The following VWF variants were observed in gnomAD, a reference collection of about 807,000 sequenced individuals.
VWF encodes von Willebrand factor.
In VWF, 176 loss-of-function variants were observed where a neutral mutation model predicts 308.6. The observed-to-expected ratio is 0.57, with a 90% CI of 0.50 to 0.65. The LOEUF (loss-of-function observed/expected upper bound fraction) is 0.65, where lower values mean the gene tolerates loss of function less well. Among genes scored for constraint, VWF ranks in the 30% least tolerant of loss-of-function variants. The pLI is 0.00. For missense variants in VWF, 3,146 were observed against 3,648.2 expected (o/e 0.86, Z 3.55); for synonymous variants, 1,385 against 1,443.4 (o/e 0.96, Z 0.92).
At chr12:6,096,435 C>G (rs940673743) in intron 5 of VWF, among the ~76,000 whole-genome samples, 8 of 152,208 alleles carry the variant, frequency 5.3e-5, no homozygotes, top group African/African-American at 9.6e-5. Flanking sequence ...CCCATGGCAC[C>G]TGGGCATCCC....
intron 47 of VWF, among the ~76,000 whole-genome samples, chr12:5,960,056 T>G (rs898301439): frequency 2.7e-5 from 4 of 147,560 alleles, no homozygotes; most frequent in South Asian, 4.2e-4. Context: ...ATTAATAATA[T>G]AATAATATAT....
chr12:5,979,163 A>C (rs962840248), intron 42 of VWF, among the ~76,000 whole-genome samples: 7 of 152,256 alleles, frequency 4.6e-5, no homozygotes, highest in African/African-American at 1.7e-4. Context: ...ATGGCTATGA[A>C]AACTGGAAAA....
chr12:6,043,153 CA>C (rs1243203548), intron 18 of VWF, among the ~76,000 whole-genome samples: 5 of 152,192 alleles, frequency 3.3e-5, no homozygotes, highest in Non-Finnish European at 7.3e-5. Context: ...AAGACAGTTC[CA>C]AAACCCTCAG....
At chr12:5,968,242 T>C (rs1366389563) in intron 45 of VWF, 75 bp from the exon 46 acceptor site, 16 of 1,578,494 alleles carry the variant, frequency 1.0e-5, no homozygotes, top group East Asian at 6.8e-5. Flanking sequence ...GCTGCTCTCT[T>C]TGGGGCTCCT....
At position 5,949,091 on chromosome 12, in the gene VWF, G is replaced by T. The variant is rs371036946; in HGVS notation, c.8366C>A (p.Thr2789Asn). ...TEPMQVALHC[T>N]NGSVVYHEVL... ...CTCATGGTACACAACAGAGCCATTG[G>T]TGCAGTGCAGGGCCACCTGCATGGG... Residue 2789 changes from threonine to asparagine, a missense_variant, in exon 52 of 52, where the codon ACC becomes AAC. This residue lies in a region of VWF where 989 missense variants were observed against 1,117.4 expected (regional missense o/e 0.89). Coordinates refer to ENST00000261405, the MANE Select transcript of VWF (RefSeq NM_000552.5). The T allele has an allele frequency of 1.6e-5, 26 of 1,614,136 alleles. No individual in the cohort carries two copies. In the East Asian group the frequency reaches 4.2e-4, roughly 26 times the overall value.
At chr12:6,044,493 G>C (rs216293) in intron 17 of VWF, 42 bp from the exon 18 acceptor site, 762 of 1,602,170 alleles carry the variant, frequency 4.8e-4, no homozygotes, top group Non-Finnish European at 6.0e-4. Context: ...GTGAAGGAGA[G>C]AATGGACCTA....
At position 5,992,031 on chromosome 12, in the gene VWF, AAGG is replaced by A; in HGVS notation, c.6599-16_6599-14del. ...GGGCATGACATAGCTGTAGACAGAG[AAGG>A]AGGTCACTTGCAAAGGCCCACACCA... On this transcript the variant is annotated splice_polypyrimidine_tract_variant and intron_variant, in intron 37 of 51. Transcript: ENST00000261405. 1.2e-6 allele frequency: 2 copies of A among 1,613,682 alleles called. No homozygotes were observed. The highest frequency in any genetic ancestry group is 1.3e-5 in the African/African-American group (1 of 75,040).
At chr12:6,012,755 A>G (rs185962026) in intron 32 of VWF, among the ~76,000 whole-genome samples, 8,257 of 149,764 alleles carry the variant, frequency 0.055, 715 homozygotes, top group African/African-American at 0.19. Flanking sequence ...AGGCTGGAGT[A>G]CAGTGGCGCG....
chr12:5,995,884 T>G, intron 35 of VWF, 118 bp downstream of exon 35: 1 of 945,048 alleles, frequency 1.1e-6, no homozygotes, highest in East Asian at 2.6e-5. Flanking sequence ...TCTCCTCCAC[T>G]TAAGCAGAAG....
Position 6,046,668 on chromosome 12 carries a change from G to A in VWF, c.2281+55C>T. ...CCAGCTCTCTCCCGCCATTCCACAC[G>A]TGAGGAATCTGGGCAGGATGGAGTC... On this transcript the variant is annotated intron_variant, in intron 17 of 51. Transcript: ENST00000261405. The surrounding 1 kb of genome is among the most constrained non-coding windows in gnomAD (Gnocchi z 5.0). 5.2e-6 allele frequency: 8 copies of A among 1,535,524 alleles called. No individual in the cohort carries two copies. The highest frequency in any genetic ancestry group is 1.7e-4 in the Middle Eastern group (1 of 5,840).
chr12:6,035,035 G>A (rs1565838258), intron 19 of VWF, among the ~76,000 whole-genome samples: 2 of 152,186 alleles, frequency 1.3e-5, no homozygotes, highest in South Asian at 2.1e-4. Context: ...CCTAGTGGCT[G>A]TCCCTAAAAG....
chr12:6,022,180 C>G (rs1397947024), intron 26 of VWF, 145 bp from the exon 27 acceptor site: 2 of 1,162,952 alleles, frequency 1.7e-6, no homozygotes, highest in Non-Finnish European at 2.5e-6. Context: ...GTCACCCCAT[C>G]ACTCAAGGAG....
intron 3 of VWF, 40 bp from the exon 4 acceptor site, chr12:6,111,008 T>C (rs780205150): frequency 1.3e-6 from 2 of 1,526,910 alleles, no homozygotes; most frequent in African/African-American, 2.7e-5. Flanking sequence ...TTATTACTCC[T>C]CTCAAAAAAT....
chr12:5,976,005 G>C, intron 43 of VWF, 106 bp downstream of exon 43: 3 of 1,464,362 alleles, frequency 2.0e-6, no homozygotes, highest in Non-Finnish European at 2.8e-6. Context: ...GACAGAGCGA[G>C]TCTCCATTTC....
At chr12:5,949,988 T>A in intron 50 of VWF, 105 bp from the exon 51 acceptor site, 1 of 1,016,790 alleles carries the variant, frequency 9.8e-7, no homozygotes, top group Non-Finnish European at 1.5e-6. Flanking sequence ...CCTTTCACAG[T>A]AACCAAATAA....
chr12:6,060,052 T>G lies in VWF; in HGVS notation c.1534-2008A>C. Among the ~76,000 whole-genome samples the G allele has an allele frequency of 6.6e-6, 1 of 151,446 alleles. No individual in the cohort carries two copies. The highest frequency in any genetic ancestry group is 1.5e-5 in the Non-Finnish European group (1 of 67,912). ...CCATGTCCCACTCTAAAACCAGGTC[T>G]TCTCCCATCCCCTTGGCTTGTCTCG... On this transcript the variant is annotated intron_variant, in intron 13 of 51. Transcript: ENST00000261405. This position sits in a 1 kb window ranked among gnomAD's most constrained non-coding sequence, Gnocchi z 5.1.
rs183098417 is a variant in VWF, at chr12:5,977,530, T to C, written c.7288-1270A>G. On this transcript the variant is annotated intron_variant, in intron 42 of 51. Coordinates refer to ENST00000261405, the MANE Select transcript of VWF (RefSeq NM_000552.5). ...TTTCTATGAGAAATGGGAAGAAATA[T>C]ACATGTATAAAATTCAGTTATATTT... Among the ~76,000 whole-genome samples the C allele has an allele frequency of 1.3e-3, 202 of 152,302 alleles. 2 individuals are homozygous for C. Among genetic ancestry groups the C allele is most frequent in the Middle Eastern group, 6.8e-3 (2 of 294 alleles).
intron 10 of VWF, among the ~76,000 whole-genome samples, chr12:6,067,399 C>T (rs926794095): frequency 2.0e-5 from 3 of 152,170 alleles, no homozygotes; most frequent in Non-Finnish European, 2.9e-5. Flanking sequence ...TAACAATACC[C>T]AGGAAAAGAA....
rs941718292 is a variant in VWF at position 6,124,532 on chromosome 12, A to T, written c.-112T>A. On this transcript the variant is annotated 5_prime_UTR_variant, in exon 1 of 52. In the 5' UTR this introduces an upstream ATG that the reference lacks. Transcript: ENST00000261405. ...TGCTCTCAGCTGCTGCAAAGGCTCA[A>T]TCAGGTCTGCTACAGCTCCGGACTG... 6.6e-6 allele frequency: 1 copy of T among 152,506 alleles called. No individual in the cohort carries two copies. Among genetic ancestry groups the T allele is most frequent in the Non-Finnish European group, 1.5e-5 (1 of 68,276 alleles). The allele number at this position is 152,506 out of a possible 1,614,324, so 9.4% of individuals were successfully genotyped here.
Sources: gnomAD v4.1 joint callset for allele counts (sites outside exome capture counted in the v4.1 genomes callset) on GRCh38, gnomAD v4.1.1 for gene constraint, gnomAD v4.1.1 regional missense constraint, Gnocchi (gnomAD v3.1) non-coding constraint, MANE v1.5 for transcripts, NCBI Gene and HGNC (gene_info 2026-07-23, HGNC 2026-07-21) for gene names.